Variants in HIPK4 observed in about 807,000 individuals in gnomAD.
HIPK4 encodes the protein homeodomain interacting protein kinase 4, also known as homeodomain-interacting protein kinase 4.
HIPK4 carries 26 observed loss-of-function variants against 44.8 expected under a neutral mutation model. The ratio of observed to expected loss-of-function variants is 0.58; its 90% CI spans 0.43 to 0.80. The LOEUF (loss-of-function observed/expected upper bound fraction) is 0.80, where lower values mean the gene tolerates loss of function less well. Ranked by LOEUF, HIPK4 falls within the 30% of genes least tolerant of loss-of-function variation. The probability of loss-of-function intolerance (pLI) is 0.00; values close to 1 mark genes in which losing one functional copy is unlikely to be tolerated. For missense variants in HIPK4, 729 were observed against 862.6 expected (o/e 0.85, Z 1.94); for synonymous variants, 340 against 355.5 (o/e 0.96, Z 0.49).
At chr19:40,382,680 T>A (rs1385754615) in intron 2 of HIPK4, among the ~76,000 whole-genome samples, 2 of 152,116 alleles carry the variant, frequency 1.3e-5, no homozygotes, top group African/African-American at 4.8e-5. Context: ...GCTGTGAAAA[T>A]GCCCTAGGCT....
At chr19:40,385,940 G>A (rs1176677508) in intron 1 of HIPK4, among the ~76,000 whole-genome samples, 1 of 150,942 alleles carries the variant, frequency 6.6e-6, no homozygotes, top group Non-Finnish European at 1.5e-5. Context: ...ACTCCTGACC[G>A]CAGGTGATCC....
Position 40,379,361 on chromosome 19 carries a change from CT to C in HIPK4, c.*225del. ...GGGTGCAGCCCCCTTTCCTGCTGTC[CT>C]TCTGGCCAAGGAGCATGGGCCAGAC... On this transcript the variant is annotated 3_prime_UTR_variant, in exon 4 of 4. Transcript: ENST00000291823. The C allele has an allele frequency of 3.8e-6, 2 of 529,010 alleles. No homozygotes were observed. Among genetic ancestry groups the C allele is most frequent in the East Asian group, 6.9e-5 (2 of 29,096 alleles). The allele number at this position is 529,010 out of a possible 1,614,324, so 32.8% of individuals were successfully genotyped here.
At chr19:40,385,037 C>A (rs2079356659) in intron 1 of HIPK4, among the ~76,000 whole-genome samples, 1 of 152,176 alleles carries the variant, frequency 6.6e-6, no homozygotes, top group Non-Finnish European at 1.5e-5. Flanking sequence ...CCTATTCTTC[C>A]TCTTGCACCC....
rs1011774036 is a variant in HIPK4 at position 40,389,212 on chromosome 19, C to T, written c.465+226G>A. Among the ~76,000 whole-genome samples the T allele has an allele frequency of 6.6e-6, 1 of 151,992 alleles. No individual in the cohort carries two copies. The highest frequency in any genetic ancestry group is 1.5e-5 in the Non-Finnish European group (1 of 68,010). ...TGGTGGCGCATCCCTGTAATCCCAG[C>T]AACTCGGGAGGCTGAGGCAGGATAA... On this transcript the variant is annotated intron_variant, in intron 1 of 3. Transcript: ENST00000291823. This position sits in a 1 kb window ranked among gnomAD's most constrained non-coding sequence, Gnocchi z 4.6.
intron 2 of HIPK4, among the ~76,000 whole-genome samples, chr19:40,382,058 G>A (rs561570229): frequency 1.2e-3 from 175 of 151,914 alleles, no homozygotes; most frequent in African/African-American, 3.3e-3. Flanking sequence ...CACCCACCTC[G>A]GCCTCCCAAA....
intron 2 of HIPK4, among the ~76,000 whole-genome samples, chr19:40,381,855 G>C (rs777608874): frequency 6.2e-5 from 9 of 144,188 alleles, no homozygotes; most frequent in Non-Finnish European, 1.3e-4. Context: ...GCCCAGGCTG[G>C]AGTGCAGTGG....
intron 2 of HIPK4, 137 bp downstream of exon 2, chr19:40,383,646 C>G: frequency 1.4e-6 from 1 of 716,818 alleles, no homozygotes; most frequent in Non-Finnish European, 2.4e-6. Context: ...GGTCTCAAAC[C>G]CCTAGGCTCA....
intron 3 of HIPK4, 33 bp from the exon 4 acceptor site, chr19:40,379,802 C>A: frequency 6.3e-7 from 1 of 1,596,606 alleles, no homozygotes; most frequent in South Asian, 1.1e-5. Context: ...ATCAGCCAAG[C>A]AGTGTTAGTG....
Position 40,390,026 on chromosome 19 carries a change from G to T in HIPK4, c.-124C>A. On this transcript the variant is annotated 5_prime_UTR_variant, in exon 1 of 4. Coordinates refer to ENST00000291823, the MANE Select transcript of HIPK4 (RefSeq NM_144685.5). ...GTGGGGGAAAGAGAACCGCACTCGT[G>T]TCTCCTCCTATGAGGTTGGCCCCTG... The T allele has an allele frequency of 1.4e-6, 1 of 702,162 alleles. No homozygotes were observed. The highest frequency in any genetic ancestry group is 2.4e-6 in the Non-Finnish European group (1 of 424,372). 43.5% of individuals were successfully genotyped at this position (702,162 alleles called of 1,614,324 possible).
At chr19:40,386,093 G>C (rs533567665) in intron 1 of HIPK4, among the ~76,000 whole-genome samples, 2 of 151,288 alleles carry the variant, frequency 1.3e-5, no homozygotes, top group Non-Finnish European at 1.5e-5. Flanking sequence ...TTTTTGTGAC[G>C]GAGTCTCGCT....
Position 40,380,773 on chromosome 19 carries a change from A to C in HIPK4, c.1218T>G (p.Ser406Arg), listed in dbSNP as rs56094851. Residue 406 changes from serine to arginine, a missense_variant, in exon 3 of 4, where the codon AGT (serine) becomes AGG (arginine). Physicochemically the swap from Ser to Arg is moderately radical, Grantham distance 110. This residue lies in a region of HIPK4 where 533 missense variants were observed against 567.5 expected (regional missense o/e 0.94). Transcript: ENST00000291823. This position sits in a 1 kb window ranked among gnomAD's most constrained non-coding sequence, Gnocchi z 4.2. ...GGAAGAAGGGGCTGCTGCCGGCCAC[A>C]CTGCCCATACCCGCAGCCTCCTTCT... ...AEEKEAAGMG[S>R]VAGSSPFFRE... is the part of the protein sequence containing the mutation. 1.5e-3 allele frequency: 2,463 copies of C among 1,614,180 alleles called. 45 individuals are homozygous for C. In the Admixed American group the frequency reaches 0.032, roughly 21 times the overall value.
intron 1 of HIPK4, among the ~76,000 whole-genome samples, chr19:40,388,070 G>A (rs898743200): frequency 6.8e-6 from 1 of 147,062 alleles, no homozygotes; most frequent in Admixed American, 6.9e-5. Context: ...AGGCTGGAGT[G>A]CAGTGGCGTA....
At chr19:40,385,276 T>G (rs2079357766) in intron 1 of HIPK4, among the ~76,000 whole-genome samples, 1 of 152,168 alleles carries the variant, frequency 6.6e-6, no homozygotes, top group Non-Finnish European at 1.5e-5. Context: ...CATAGCCACA[T>G]CCTGTGACAA....
In HIPK4 at chr19:40,381,194, G is replaced by A. The variant is rs748323540; in HGVS notation, c.823-26C>T. On this transcript the variant is annotated intron_variant, in intron 2 of 3. Transcript: ENST00000291823. ...CTGGCGGGGCATGGAGAAGGGGGCAGGGTTGACCATTGTGCAGGGCTAGGG... is the reference window on the plus strand; with the variant it reads ...CTGGCGGGGCATGGAGAAGGGGGCAAGGTTGACCATTGTGCAGGGCTAGGG... 5.1e-6 allele frequency: 8 copies of A among 1,568,656 alleles called. 1 individual carries two copies. Among genetic ancestry groups the A allele is most frequent in the Non-Finnish European group, 6.9e-6 (8 of 1,159,000 alleles).
chr19:40,381,784 C>CTTTTTTTTTTTTTTTT (rs55780075), intron 2 of HIPK4, among the ~76,000 whole-genome samples: 3 of 72,260 alleles, frequency 4.2e-5, no homozygotes, highest in Non-Finnish European at 2.6e-5. Context: ...CACTCAGATC[C>CTTTTTTTTTTTTTTTT]TTTTTTTTTT....
chr19:40,388,609 G>A (rs2079373827), intron 1 of HIPK4, among the ~76,000 whole-genome samples: 1 of 152,158 alleles, frequency 6.6e-6, no homozygotes, highest in Non-Finnish European at 1.5e-5. Flanking sequence ...TTCTGTCTCT[G>A]TGTCTCTGGC....
chr19:40,386,076 A>G (rs2079362001), intron 1 of HIPK4, among the ~76,000 whole-genome samples: 2 of 151,420 alleles, frequency 1.3e-5, no homozygotes, highest in South Asian at 4.2e-4. Context: ...TTTTTTAATT[A>G]TTTATTTTTT....
chr19:40,389,937 C>T lies in HIPK4; in HGVS notation c.-35G>A, dbSNP rs752864489. Reference sequence around the variant, plus strand: ...GCTGCCAGACACCGCCCTGCCCAGGCCCCTGTACCACTGGCTCTGCCGCCC... The same window carrying T: ...GCTGCCAGACACCGCCCTGCCCAGGTCCCTGTACCACTGGCTCTGCCGCCC... On this transcript the variant is annotated 5_prime_UTR_variant, in exon 1 of 4. Coordinates refer to ENST00000291823, the MANE Select transcript of HIPK4 (RefSeq NM_144685.5). The surrounding 1 kb of genome is among the most constrained non-coding windows in gnomAD (Gnocchi z 4.6). 5 of 1,544,584 alleles carry T rather than the reference C, an allele frequency of 3.2e-6. No homozygotes were observed. Among genetic ancestry groups the T allele is most frequent in the Non-Finnish European group, 3.5e-6 (4 of 1,137,442 alleles).
chr19:40,390,150 G>A lies in HIPK4; in HGVS notation c.-248C>T. Reference sequence around the variant, plus strand: ...CCTGGCTTGGGATGAGGGGCCCCAGGCCCCACCGAATGGGTTCCAGCGCTG... The same window carrying A: ...CCTGGCTTGGGATGAGGGGCCCCAGACCCCACCGAATGGGTTCCAGCGCTG... On this transcript the variant is annotated 5_prime_UTR_variant, in exon 1 of 4. Coordinates refer to ENST00000291823, the MANE Select transcript of HIPK4 (RefSeq NM_144685.5). The A allele has an allele frequency of 1.8e-6, 1 of 543,608 alleles. No individual in the cohort carries two copies. Among genetic ancestry groups the A allele is most frequent in the Non-Finnish European group, 3.3e-6 (1 of 301,628 alleles). 33.7% of individuals were successfully genotyped at this position (543,608 alleles called of 1,614,324 possible). A position where few individuals can be genotyped will look rare whatever the true frequency, so the allele number is the denominator to read the frequency against.
Sources: gnomAD v4.1 joint callset for allele counts (sites outside exome capture counted in the v4.1 genomes callset) on GRCh38, gnomAD v4.1.1 for gene constraint, gnomAD v4.1.1 regional missense constraint, Gnocchi (gnomAD v3.1) non-coding constraint, MANE v1.5 for transcripts, NCBI Gene and HGNC (gene_info 2026-07-23, HGNC 2026-07-21) for gene names.